ZNF850: variants seen among roughly 807,000 people sequenced by gnomAD.
The protein encoded by ZNF850 is zinc finger protein 850, also known as putative zinc finger protein ENSP00000330994.
A neutral mutation model predicts 11.9 loss-of-function variants in ZNF850; 2 were observed. The observed-to-expected ratio is 0.17, with a 90% CI of 0.07 to 0.53. The LOEUF (loss-of-function observed/expected upper bound fraction) is 0.53, where lower values mean the gene tolerates loss of function less well. ZNF850 is among the 20% of genes least tolerant of loss of function. The pLI is 0.94. For missense variants in ZNF850, 1,014 were observed against 1,316.4 expected (o/e 0.77, Z 3.55); for synonymous variants, 381 against 443.0 (o/e 0.86, Z 1.76).
At chr19:36,764,727 T>A (rs1453881744) in intron 1 of ZNF850, among the ~76,000 whole-genome samples, 1 of 70,094 alleles carries the variant, frequency 1.4e-5, no homozygotes, top group African/African-American at 7.9e-5. Context: ...TCCTTTCCCT[T>A]TTTTTTTTTT....
At chr19:36,766,122 C>A (rs1257162484) in intron 1 of ZNF850, among the ~76,000 whole-genome samples, 1 of 151,728 alleles carries the variant, frequency 6.6e-6, no homozygotes, top group East Asian at 1.9e-4. Context: ...AAACTCCTGG[C>A]CTCAAGCAAT....
chr19:36,763,582 G>C (rs2040532189), intron 1 of ZNF850, among the ~76,000 whole-genome samples: 1 of 151,730 alleles, frequency 6.6e-6, no homozygotes, highest in Non-Finnish European at 1.5e-5. Context: ...AACCTCTAAT[G>C]CACTTCACTA....
chr19:36,761,426 G>A (rs572213203), intron 4 of ZNF850, among the ~76,000 whole-genome samples: 3 of 152,042 alleles, frequency 2.0e-5, no homozygotes, highest in Non-Finnish European at 4.4e-5. Flanking sequence ...GCGACAGAGC[G>A]AGACTCCATC....
Position 36,748,234 on chromosome 19 carries a change from G to T in ZNF850, c.2806C>A (p.Arg936Ser), listed in dbSNP as rs1420658449. 3 of 1,550,436 alleles carry T rather than the reference G, an allele frequency of 1.9e-6. No individual in the cohort carries two copies. In the East Asian group the frequency reaches 7.3e-5, roughly 38 times the overall value. ...RCHECGKAFV[R>S]FSGLTKHHSI... ...TGATGTTTGGTGAGTCCTGAGAAAC[G>T]GACAAAGGCTTTTCCACATTCATGA... Residue 936 changes from arginine (R) to serine (S), a missense_variant, in exon 5 of 5, where the codon CGT (arginine) becomes AGT (serine). By Grantham distance (110) the Arg-to-Ser change is moderately radical (BLOSUM62 -1). Coordinates refer to ENST00000591344, the MANE Select transcript of ZNF850 (RefSeq NM_001193552.2).
Position 36,749,550 on chromosome 19 carries a change from C to T in ZNF850, c.1490G>A (p.Arg497Gln), listed in dbSNP as rs539827168. Residue 497 changes from arginine to glutamine, a missense_variant, in exon 5 of 5, where the codon CGA (arginine) becomes CAA (glutamine). Physicochemically the swap from Arg to Gln is conservative, Grantham distance 43. This residue lies in a region of ZNF850 where 835 missense variants were observed against 1,022.0 expected (regional missense o/e 0.82). Coordinates refer to ENST00000591344, the MANE Select transcript of ZNF850 (RefSeq NM_001193552.2). ...ATAGGGTTTCTCACCAGTGTGGATT[C>T]GCTGGTGTCGATTGCGTGTTGAGCG... ...TFRSTRNRHQ[R>Q]IHTGEKPYNC... 279 of 1,543,636 alleles carry T rather than the reference C, an allele frequency of 1.8e-4. 6 individuals carry two copies. In the South Asian group the frequency reaches 2.0e-3, roughly 11 times the overall value.
chr19:36,745,875 T>A lies in ZNF850; in HGVS notation c.*1892A>T, dbSNP rs191008002. The A allele has an allele frequency of 2.7e-5, 4 of 150,816 alleles. No individual in the cohort carries two copies. The highest frequency in any genetic ancestry group is 3.4e-3 in the Middle Eastern group (1 of 292). 9.3% of individuals were successfully genotyped at this position (150,816 alleles called of 1,614,324 possible). ...TCTACTGAAATAAAAAATAAAAACT[T>A]AGCTGGGTGTCATGGTGCTGCTGGG... is the stretch of plus-strand genomic sequence containing the variant. On this transcript the variant is annotated 3_prime_UTR_variant, in exon 5 of 5. Transcript: ENST00000591344.
Position 36,750,242 on chromosome 19 carries a change from T to C in ZNF850, c.798A>G (p.Ala266=). Residue 266 remains alanine (A), a synonymous_variant, in exon 5 of 5, where the codon GCA becomes GCG. Transcript: ENST00000591344. ...QESVKAFRPS[A]HLIQHWRIHT... The stretch of plus-strand genomic sequence containing the variant: ...GAATTCTCCAATGTTGAATAAGATG[T>C]GCAGACGGTCTAAAGGCCTTCACGG... The C allele has an allele frequency of 6.5e-7, 1 of 1,537,906 alleles. No homozygotes were observed. The highest frequency in any genetic ancestry group is 1.7e-4 in the Middle Eastern group (1 of 5,990).
intron 3 of ZNF850, 138 bp downstream of exon 3, chr19:36,762,167 T>G: frequency 1.5e-6 from 1 of 659,834 alleles, no homozygotes; most frequent in East Asian, 2.8e-5. Context: ...ATGGAGAAGA[T>G]GGAGTGACCC....
rs776295514 is a variant in ZNF850 at position 36,749,575 on chromosome 19, G to A, written c.1465C>T (p.Arg489Cys). 2.9e-5 allele frequency: 45 copies of A among 1,544,872 alleles called. No homozygotes were observed. The South Asian group carries it at 3.0e-4, about 10-fold the overall frequency. ...CKECGKSFTF[R>C]STRNRHQRIH... ...CGCTGGTGTCGATTGCGTGTTGAGC[G>A]AAAAGTAAAAGATTTTCCACATTCC... The change falls in exon 5 of 5, where the codon CGC becomes TGC. Residue 489 changes from arginine to cysteine, a missense_variant. Around this residue, in one of 2 missense-constraint regions of ZNF850, gnomAD observed 835 missense variants for 1,022.0 expected, o/e 0.82. Coordinates refer to ENST00000591344, the MANE Select transcript of ZNF850 (RefSeq NM_001193552.2).
At chr19:36,765,582 A>ATTT (rs371481745) in intron 1 of ZNF850, among the ~76,000 whole-genome samples, 1,968 of 124,390 alleles carry the variant, frequency 0.016, 43 homozygotes, top group African/African-American at 0.03. Context: ...CAAAGTAAAG[A>ATTT]TTTTTTTTTT....
chr19:36,751,770 G>C lies in ZNF850; in HGVS notation c.236-966C>G, dbSNP rs184602651. On this transcript the variant is annotated intron_variant, in intron 4 of 4. Coordinates refer to ENST00000591344, the MANE Select transcript of ZNF850 (RefSeq NM_001193552.2). The stretch of plus-strand genomic sequence containing the variant: ...GTAGGGGTTTCCATTAATAATAATA[G>C]ATCTCAGCACCATAGGAAAGGTAAA... Among the ~76,000 whole-genome samples, 188 of 124,812 alleles carry C rather than the reference G, an allele frequency of 1.5e-3. 2 individuals carry two copies. Among genetic ancestry groups the C allele is most frequent in the African/African-American group, 5.7e-3 (183 of 32,126 alleles). 81.9% of individuals were successfully genotyped at this position (124,812 alleles called of 152,430 possible).
rs898647514 is a variant in ZNF850, at chr19:36,745,855, T to G, written c.*1912A>C. ...TAACAAAGCAAGACTCCAACTCTAC[T>G]GAAATAAAAAATAAAAACTTAGCTG... On this transcript the variant is annotated 3_prime_UTR_variant, in exon 5 of 5. Transcript: ENST00000591344. 5 of 152,198 alleles carry G rather than the reference T, an allele frequency of 3.3e-5. No homozygotes were observed. The highest frequency in any genetic ancestry group is 5.9e-5 in the Non-Finnish European group (4 of 68,132). The allele number at this position is 152,198 out of a possible 1,614,324, so 9.4% of individuals were successfully genotyped here. A position where few individuals can be genotyped will look rare whatever the true frequency, so the allele number is the denominator to read the frequency against.
chr19:36,752,152 AATACT>A, intron 4 of ZNF850, among the ~76,000 whole-genome samples: 2 of 152,334 alleles, frequency 1.3e-5, no homozygotes, highest in East Asian at 3.9e-4. Context: ...ATTTTTAAAA[AATACT>A]ATACATCTTC....
intron 1 of ZNF850, among the ~76,000 whole-genome samples, chr19:36,767,112 C>T (rs2040553600): frequency 6.6e-6 from 1 of 152,090 alleles, no homozygotes; most frequent in Non-Finnish European, 1.5e-5. Context: ...TGGCAGGTGC[C>T]TGTAATCCCA....
intron 4 of ZNF850, among the ~76,000 whole-genome samples, chr19:36,758,383 CTTTTTTTGTTT>C (rs2040499566): frequency 6.6e-6 from 1 of 151,978 alleles, no homozygotes; most frequent in African/African-American, 2.4e-5. Flanking sequence ...TTAAAAAGTT[CTTTTTTTGTTT>C]TCTTGAGACA....
rs1445250866 is a variant in ZNF850 at position 36,749,965 on chromosome 19, G to A, written c.1075C>T (p.His359Tyr). 1 of 1,566,462 alleles carries A rather than the reference G, an allele frequency of 6.4e-7. No individual in the cohort carries two copies. The highest frequency in any genetic ancestry group is 1.9e-5 in the Admixed American group (1 of 53,246). The change falls in exon 5 of 5, where the codon CAC becomes TAC. Residue 359 changes from histidine (H) to tyrosine (Y), a missense_variant. By Grantham distance (83) the His-to-Tyr change is moderately conservative. Around this residue, in one of 2 missense-constraint regions of ZNF850, gnomAD observed 835 missense variants for 1,022.0 expected, o/e 0.82. Coordinates refer to ENST00000591344, the MANE Select transcript of ZNF850 (RefSeq NM_001193552.2). ...CAGTCATAGGGTTTCTCACCAGTGT[G>A]AATTCGCTGATGTCGAATTAGTGCT... ...GSALIRHQRI[H>Y]TGEKPYDCKE... is the part of the protein sequence containing the mutation.
intron 1 of ZNF850, among the ~76,000 whole-genome samples, chr19:36,770,499 G>C (rs1024477338): frequency 6.6e-6 from 1 of 151,844 alleles, no homozygotes; most frequent in African/African-American, 2.4e-5. Flanking sequence ...AGGAGTTCGC[G>C]ACCAGACTGG....
In ZNF850 at chr19:36,747,228, A is replaced by T. The variant is rs965931090; in HGVS notation, c.*539T>A. On this transcript the variant is annotated 3_prime_UTR_variant, in exon 5 of 5. Transcript: ENST00000591344. Reference sequence around the variant, plus strand: ...TTTTATCAATTAGTAATTTTGGCACAGAGAATTTACATAACTAGCCTAATG... The same window carrying T: ...TTTTATCAATTAGTAATTTTGGCACTGAGAATTTACATAACTAGCCTAATG... 2 of 152,860 alleles carry T rather than the reference A, an allele frequency of 1.3e-5. No individual in the cohort carries two copies. The highest frequency in any genetic ancestry group is 4.8e-5 in the African/African-American group (2 of 41,472). 9.5% of individuals were successfully genotyped at this position (152,860 alleles called of 1,614,324 possible). A position where few individuals can be genotyped will look rare whatever the true frequency, so the allele number is the denominator to read the frequency against.
chr19:36,768,992 G>A (rs2040564564), intron 1 of ZNF850, among the ~76,000 whole-genome samples: 1 of 150,784 alleles, frequency 6.6e-6, no homozygotes, highest in African/African-American at 2.4e-5. Context: ...CGGGTGTGGT[G>A]GCTCACACCT....
Sources: gnomAD v4.1 joint callset for allele counts (sites outside exome capture counted in the v4.1 genomes callset) on GRCh38, gnomAD v4.1.1 for gene constraint, gnomAD v4.1.1 regional missense constraint, MANE v1.5 for transcripts, NCBI Gene and HGNC (gene_info 2026-07-23, HGNC 2026-07-21) for gene names.